The following EXOC4 variants were observed in gnomAD, a reference collection of about 807,000 sequenced individuals.
The protein encoded by EXOC4 is SEC8-like 1.
A neutral mutation model predicts 107.2 loss-of-function variants in EXOC4; 71 were observed. The observed-to-expected ratio is 0.66, with a 90% CI of 0.55 to 0.81. EXOC4 has a LOEUF of 0.81. EXOC4 is among the 30% of genes least tolerant of loss of function. The pLI is 0.00. For synonymous variants in EXOC4, 456 were observed against 441.2 expected (o/e 1.03, Z -0.42); for missense variants, 1,108 against 1,189.6 (o/e 0.93, Z 1.01).
chr7:133,632,668 C>G (rs1219481868), intron 10 of EXOC4, among the ~76,000 whole-genome samples: 1 of 151,996 alleles, frequency 6.6e-6, no homozygotes, highest in Non-Finnish European at 1.5e-5. Context: ...TTTATTAGTA[C>G]TATTATAATT....
At chr7:133,392,840 C>T (rs1487009481) in intron 7 of EXOC4, among the ~76,000 whole-genome samples, 1 of 152,120 alleles carries the variant, frequency 6.6e-6, no homozygotes, top group Non-Finnish European at 1.5e-5. Context: ...ATAAACTAGT[C>T]TATTGGATAA....
chr7:133,852,848 A>G (rs1190387927), intron 11 of EXOC4, among the ~76,000 whole-genome samples: 1 of 152,222 alleles, frequency 6.6e-6, no homozygotes, highest in Non-Finnish European at 1.5e-5. Context: ...GCCACTTAAA[A>G]TCCATCCTTA....
intron 9 of EXOC4, among the ~76,000 whole-genome samples, chr7:133,492,217 T>A (rs1314859626): frequency 6.6e-6 from 1 of 152,154 alleles, no homozygotes; most frequent in East Asian, 1.9e-4. Context: ...AGAAGAATTC[T>A]TAGGTGAGGT....
At chr7:133,363,018 G>A (rs1246919837) in intron 6 of EXOC4, among the ~76,000 whole-genome samples, 1 of 152,174 alleles carries the variant, frequency 6.6e-6, no homozygotes, top group African/African-American at 2.4e-5. Flanking sequence ...GAATCAGGAA[G>A]GGCCTCCGTG....
At chr7:133,515,859 T>A (rs1366327025) in intron 9 of EXOC4, among the ~76,000 whole-genome samples, 2 of 152,114 alleles carry the variant, frequency 1.3e-5, no homozygotes, top group Admixed American at 1.3e-4. Context: ...ACCAACAACA[T>A]CTCTTCTTAT....
At chr7:133,455,552 G>C (rs1180964941) in intron 7 of EXOC4, among the ~76,000 whole-genome samples, 3 of 152,176 alleles carry the variant, frequency 2.0e-5, no homozygotes, top group African/African-American at 7.2e-5. Context: ...TTATTTTCTA[G>C]ATTTGTTACT....
At chr7:133,319,026 A>G (rs1795051283) in intron 5 of EXOC4, among the ~76,000 whole-genome samples, 1 of 152,146 alleles carries the variant, frequency 6.6e-6, no homozygotes, top group African/African-American at 2.4e-5. Context: ...TACCTTTGAT[A>G]TGTATTTTAT....
chr7:133,885,472 G>T (rs1799064701), intron 11 of EXOC4, among the ~76,000 whole-genome samples: 1 of 152,088 alleles, frequency 6.6e-6, no homozygotes, highest in Non-Finnish European at 1.5e-5. Context: ...AATATTTATT[G>T]AGCACCTGCA....
At chr7:133,471,799 C>T (rs1428487493) in intron 7 of EXOC4, among the ~76,000 whole-genome samples, 2 of 151,912 alleles carry the variant, frequency 1.3e-5, no homozygotes, top group Non-Finnish European at 2.9e-5. Flanking sequence ...AAATGTAATG[C>T]TTTAAGGAAC....
chr7:133,882,942 C>T (rs922395586), intron 11 of EXOC4, among the ~76,000 whole-genome samples: 1 of 152,136 alleles, frequency 6.6e-6, no homozygotes. Context: ...CTTACAAATT[C>T]TGAAGTGCGT....
chr7:133,786,135 G>A (rs1796564705), intron 10 of EXOC4, among the ~76,000 whole-genome samples: 2 of 152,198 alleles, frequency 1.3e-5, no homozygotes, highest in Non-Finnish European at 2.9e-5. Context: ...AAGCAAAAGA[G>A]GTACATTTTT....
At position 134,026,646 on chromosome 7, in the gene EXOC4, A is replaced by G. The variant is rs184989944; in HGVS notation, c.2687+18811A>G. ...CCATACTGAGTTTATTAGGTGTCAA[A>G]GAAGATAGACATTTAAAAACAATGC... is the stretch of plus-strand genomic sequence containing the variant. On this transcript the variant is annotated intron_variant, in intron 17 of 17. Coordinates refer to ENST00000253861, the MANE Select transcript of EXOC4 (RefSeq NM_021807.4). Among the ~76,000 whole-genome samples, 255 of 152,202 alleles carry G rather than the reference A, an allele frequency of 1.7e-3. 2 individuals are homozygous for G. Among genetic ancestry groups the G allele is most frequent in the African/African-American group, 5.8e-3 (242 of 41,528 alleles).
chr7:133,272,920 T>C (rs1270174175), intron 1 of EXOC4, among the ~76,000 whole-genome samples: 4 of 152,216 alleles, frequency 2.6e-5, no homozygotes, highest in Non-Finnish European at 5.9e-5. Context: ...TTAATGGTAA[T>C]TCTAACTAGT....
chr7:133,339,912 T>A (rs1336466417), intron 5 of EXOC4, among the ~76,000 whole-genome samples: 1 of 152,164 alleles, frequency 6.6e-6, no homozygotes, highest in East Asian at 1.9e-4. Flanking sequence ...TTTGGATGAA[T>A]CTTTGGGGTT....
intron 3 of EXOC4, among the ~76,000 whole-genome samples, chr7:133,291,645 A>G (rs1794408377): frequency 6.6e-6 from 1 of 152,032 alleles, no homozygotes. Context: ...GGCCTCCCAA[A>G]GTGCTGGGAT....
chr7:133,297,034 T>C (rs908818205), intron 3 of EXOC4, among the ~76,000 whole-genome samples: 3 of 152,212 alleles, frequency 2.0e-5, no homozygotes, highest in Non-Finnish European at 4.4e-5. Flanking sequence ...GTCCTTGTCT[T>C]CATTTAGCAA....
intron 17 of EXOC4, among the ~76,000 whole-genome samples, chr7:134,052,475 C>T (rs6955169): frequency 0.42 from 63,598 of 151,344 alleles, 13,965 homozygotes; most frequent in East Asian, 0.61. Context: ...GAGGGAAGGA[C>T]TGATTTTTTT....
the EXOC4 span, among the ~76,000 whole-genome samples, chr7:134,075,570 G>A: frequency 4.6e-4 from 70 of 152,240 alleles, no homozygotes; most frequent in African/African-American, 1.6e-3. Context: ...ATTCACTACC[G>A]CAGAACATTG....
At chr7:133,693,401 A>T (rs1794463069) in intron 10 of EXOC4, among the ~76,000 whole-genome samples, 1 of 152,148 alleles carries the variant, frequency 6.6e-6, no homozygotes, top group African/African-American at 2.4e-5. Context: ...CTGGCAGCTG[A>T]TTAGATGGTG....
Sources: gnomAD v4.1 joint callset for allele counts (sites outside exome capture counted in the v4.1 genomes callset) on GRCh38, gnomAD v4.1.1 for gene constraint, MANE v1.5 for transcripts, NCBI Gene and HGNC (gene_info 2026-07-23, HGNC 2026-07-21) for gene names.